SMOC2: variants seen among roughly 807,000 people sequenced by gnomAD.
SMOC2 encodes the protein SPARC related modular calcium binding 2, also known as SPARC-related modular calcium-binding protein 2.
A neutral mutation model predicts 61.4 loss-of-function variants in SMOC2; 39 were observed. The observed-to-expected ratio is 0.64, with a 90% CI of 0.49 to 0.83. The LOEUF (loss-of-function observed/expected upper bound fraction) is 0.83, where lower values mean the gene tolerates loss of function less well. Ranked by LOEUF, SMOC2 falls within the 40% of genes least tolerant of loss-of-function variation. The pLI is 0.00. For synonymous variants in SMOC2, 247 were observed against 239.9 expected, an observed-to-expected ratio of 1.03 and a Z score of -0.27; for missense variants, 556 against 592.9, an observed-to-expected ratio of 0.94 and a Z score of 0.65.
chr6:168,643,415 A>T (rs769988930), intron 9 of SMOC2, among the ~76,000 whole-genome samples: 2 of 152,058 alleles, frequency 1.3e-5, no homozygotes, highest in Non-Finnish European at 2.9e-5. Context: ...CCCACTCGAC[A>T]CACCCTGGTA....
At chr6:168,547,214 C>T (rs752396727) in intron 6 of SMOC2, 45 bp downstream of exon 6, 3 of 1,557,238 alleles carry the variant, frequency 1.9e-6, no homozygotes, top group African/African-American at 1.4e-5. Flanking sequence ...GGGAGGAGTG[C>T]GAGGGACGGT....
At chr6:168,465,369 T>C (rs1247150500) in intron 1 of SMOC2, among the ~76,000 whole-genome samples, 1 of 151,964 alleles carries the variant, frequency 6.6e-6, no homozygotes, top group Non-Finnish European at 1.5e-5. Flanking sequence ...TCCTCCAAAA[T>C]TTCCGGGCTC....
Position 168,666,404 on chromosome 6 carries a change from TG to T in SMOC2, c.1324-16del, listed in dbSNP as rs1348743187. The T allele has an allele frequency of 1.9e-6, 3 of 1,613,722 alleles. No homozygotes were observed. Among genetic ancestry groups the T allele is most frequent in the African/African-American group, 2.7e-5 (2 of 74,942 alleles). ...ACCTCTGAATATAATGTCTCTTTTT[TG>T]TTTTTTCCTTTTCAGCCAAGGAAAC... On this transcript the variant is annotated splice_polypyrimidine_tract_variant and intron_variant, in intron 12 of 12. Coordinates refer to ENST00000356284, the MANE Select transcript of SMOC2 (RefSeq NM_001166412.2).
chr6:168,464,986 T>G (rs1781795965), intron 1 of SMOC2, among the ~76,000 whole-genome samples: 2 of 152,200 alleles, frequency 1.3e-5, no homozygotes, highest in African/African-American at 4.8e-5. Context: ...CTCCACAGAC[T>G]GCAGGGCAGC....
intron 2 of SMOC2, among the ~76,000 whole-genome samples, chr6:168,510,905 C>A (rs867512806): frequency 2.5e-4 from 38 of 152,322 alleles, no homozygotes; most frequent in African/African-American, 9.1e-4. Flanking sequence ...CCTGAGAGTT[C>A]TTCCTACTGA....
chr6:168,536,941 C>T (rs528794060), intron 4 of SMOC2, among the ~76,000 whole-genome samples: 2 of 152,134 alleles, frequency 1.3e-5, no homozygotes, highest in South Asian at 2.1e-4. Context: ...AGGGTATACA[C>T]CCTGGCAGGG....
intron 1 of SMOC2, among the ~76,000 whole-genome samples, chr6:168,445,671 G>T (rs1781316577): frequency 6.6e-6 from 1 of 152,028 alleles, no homozygotes; most frequent in African/African-American, 2.4e-5. Context: ...TCCATTTCAT[G>T]CTCTGGGAGG....
intron 1 of SMOC2, among the ~76,000 whole-genome samples, chr6:168,449,036 T>G (rs547159991): frequency 6.6e-6 from 1 of 152,294 alleles, no homozygotes; most frequent in Admixed American, 6.5e-5. Flanking sequence ...CCTAATTACC[T>G]GGTTTTTTCT....
At chr6:168,496,269 G>A (rs1468500643) in intron 1 of SMOC2, among the ~76,000 whole-genome samples, 2 of 152,140 alleles carry the variant, frequency 1.3e-5, no homozygotes, top group African/African-American at 2.4e-5. Flanking sequence ...GCAGGGTGGG[G>A]AGTGCTTGCC....
intron 7 of SMOC2, among the ~76,000 whole-genome samples, chr6:168,574,766 A>G (rs1404587972): frequency 1.3e-5 from 2 of 152,132 alleles, no homozygotes; most frequent in African/African-American, 2.4e-5. Flanking sequence ...AGACCGGCAC[A>G]TTCCATGCTG....
At chr6:168,616,531 C>G (rs1371498511) in intron 9 of SMOC2, among the ~76,000 whole-genome samples, 1 of 152,172 alleles carries the variant, frequency 6.6e-6, no homozygotes, top group South Asian at 2.1e-4. Context: ...CCAGATATGG[C>G]AAGAGACCGT....
chr6:168,547,589 A>C (rs149970048), intron 6 of SMOC2, among the ~76,000 whole-genome samples: 3 of 152,282 alleles, frequency 2.0e-5, no homozygotes, highest in South Asian at 2.1e-4. Flanking sequence ...CTTAATGATG[A>C]AACGGCAACG....
rs754339499 is a variant in SMOC2, at chr6:168,510,084, A to C, written c.254A>C (p.Lys85Thr). 1 of 1,613,768 alleles carries C rather than the reference A, an allele frequency of 6.2e-7. No homozygotes were observed. The highest frequency in any genetic ancestry group is 1.7e-5 in the Admixed American group (1 of 60,020). ...QLEIAYRGNC[K>T]DVSRCVAERK... ...GAGATTGCATATCGAGGAAACTGCA[A>C]AGGTAAGCTGCTGTTTGATCATTCA... Residue 85 changes from lysine to threonine, a missense_variant and splice_region_variant, in exon 2 of 13, where the codon AAA becomes ACA. By Grantham distance (78) the Lys-to-Thr change is moderately conservative. Transcript: ENST00000356284.
chr6:168,459,759 CTGGGGTGGGTGAG>C, intron 1 of SMOC2, among the ~76,000 whole-genome samples: 1 of 112,922 alleles, frequency 8.9e-6, no homozygotes. Flanking sequence ...TGGGTGAGCC[CTGGGGTGGGTGAG>C]CCGGGGTGGT....
At chr6:168,458,366 C>A (rs1425618718) in intron 1 of SMOC2, among the ~76,000 whole-genome samples, 5 of 150,224 alleles carry the variant, frequency 3.3e-5, no homozygotes, top group Non-Finnish European at 7.4e-5. Context: ...ACGGTCTCAC[C>A]CTGCCCCTCT....
chr6:168,653,629 A>G (rs1453148284), intron 11 of SMOC2, among the ~76,000 whole-genome samples: 268 of 105,812 alleles, frequency 2.5e-3, no homozygotes, highest in Middle Eastern at 0.019. Context: ...GCTCCAACCA[A>G]ATGTTAGGAA....
At position 168,533,722 on chromosome 6, in the gene SMOC2, C is replaced by T. The variant is rs184578279; in HGVS notation, c.463+5995C>T. Among the ~76,000 whole-genome samples, 250 of 152,116 alleles carry T rather than the reference C, an allele frequency of 1.6e-3. 2 individuals carry two copies. Among genetic ancestry groups the T allele is most frequent in the African/African-American group, 5.3e-3 (220 of 41,476 alleles). ...TCAAAACGGCTTTTTCTTTAGCCTT[C>T]GTAGGTCTTTTCTTGAAAAGTGAAA... is the stretch of plus-strand genomic sequence containing the variant. On this transcript the variant is annotated intron_variant, in intron 4 of 12. Coordinates refer to ENST00000356284, the MANE Select transcript of SMOC2 (RefSeq NM_001166412.2).
At chr6:168,517,134 A>G (rs117792654) in intron 2 of SMOC2, among the ~76,000 whole-genome samples, 1,630 of 152,312 alleles carry the variant, frequency 0.011, 21 homozygotes, top group Non-Finnish European at 0.014. Context: ...GTTTCGTGTC[A>G]GCGCTTCCCT....
rs560937876 is a variant in SMOC2, at chr6:168,544,183, C to T, written c.511+511C>T. Reference sequence around the variant, plus strand: ...CCTGCAGGTCCTGTTTCGGGGTCTGCGGGGTCTGTCACATGCCCACCATGA... The same window carrying T: ...CCTGCAGGTCCTGTTTCGGGGTCTGTGGGGTCTGTCACATGCCCACCATGA... On this transcript the variant is annotated intron_variant, in intron 5 of 12. Coordinates refer to ENST00000356284, the MANE Select transcript of SMOC2 (RefSeq NM_001166412.2). The surrounding 1 kb of genome is among the most constrained non-coding windows in gnomAD (Gnocchi z 4.1). Among the ~76,000 whole-genome samples, 10 of 152,232 alleles carry T rather than the reference C, an allele frequency of 6.6e-5. No individual in the cohort carries two copies. Among genetic ancestry groups the T allele is most frequent in the East Asian group, 1.9e-4 (1 of 5,176 alleles).
Sources: gnomAD v4.1 joint callset for allele counts (sites outside exome capture counted in the v4.1 genomes callset) on GRCh38, gnomAD v4.1.1 for gene constraint, Gnocchi (gnomAD v3.1) non-coding constraint, MANE v1.5 for transcripts, NCBI Gene and HGNC (gene_info 2026-07-23, HGNC 2026-07-21) for gene names.